NAB1: variants seen among roughly 807,000 people sequenced by gnomAD.
NAB1 encodes NGFI-A-binding protein 1.
Under a neutral mutation model 49.9 loss-of-function variants are expected in NAB1, and 25 were observed. That is an observed-to-expected ratio of 0.50 (90% CI 0.37 to 0.70). The LOEUF (loss-of-function observed/expected upper bound fraction) is 0.70, where lower values mean the gene tolerates loss of function less well. NAB1 is among the 30% of genes least tolerant of loss of function. The pLI, the probability that NAB1 is intolerant of heterozygous loss-of-function variation, is 0.00. For synonymous variants in NAB1, 198 were observed against 215.6 expected, an observed-to-expected ratio of 0.92 and a Z score of 0.71; for missense variants, 489 against 575.9, an observed-to-expected ratio of 0.85 and a Z score of 1.54.
chr2:190,662,956 A>G (rs1230715893), intron 4 of NAB1, among the ~76,000 whole-genome samples: 1 of 152,208 alleles, frequency 6.6e-6, no homozygotes, highest in Admixed American at 6.5e-5. Flanking sequence ...GTCAGTTTCC[A>G]TTATAGTGCT....
Position 190,663,062 on chromosome 2 carries a change from T to C in NAB1, c.819+3067T>C, listed in dbSNP as rs1694306562. Among the ~76,000 whole-genome samples the C allele has an allele frequency of 6.6e-6, 1 of 152,220 alleles. No homozygotes were observed. On this transcript the variant is annotated intron_variant, in intron 4 of 9. Coordinates refer to ENST00000337386, the MANE Select transcript of NAB1 (RefSeq NM_005966.4). The surrounding 1 kb of genome is among the most constrained non-coding windows in gnomAD (Gnocchi z 4.2). Reference sequence around the variant, plus strand: ...TGAGAACCGCATAAACGTGGTCACATTATTAAGTTAGCTTGTTTTATTCTG... The same window carrying C: ...TGAGAACCGCATAAACGTGGTCACACTATTAAGTTAGCTTGTTTTATTCTG...
At chr2:190,681,880 C>G (rs916280454) in intron 6 of NAB1, among the ~76,000 whole-genome samples, 1 of 152,114 alleles carries the variant, frequency 6.6e-6, no homozygotes, top group African/African-American at 2.4e-5. Flanking sequence ...CCATCTTTTT[C>G]TGCTGTGTAT....
intron 2 of NAB1, chr2:190,653,792 G>C (rs1693785944): frequency 6.6e-6 from 1 of 152,180 alleles, no homozygotes; most frequent in South Asian, 2.1e-4. Context: ...CAGGTGTTGG[G>C]GCCGGACTCG....
In NAB1 at chr2:190,667,228, G is replaced by A. The variant is rs1033550074; in HGVS notation, c.820-3098G>A. On this transcript the variant is annotated intron_variant, in intron 4 of 9. Coordinates refer to ENST00000337386, the MANE Select transcript of NAB1 (RefSeq NM_005966.4). This position sits in a 1 kb window ranked among gnomAD's most constrained non-coding sequence, Gnocchi z 4.4. ...CTTGGTTTCTGGAAAGGTAAGAGAA[G>A]GAATACTAGAATATTGTTTTCAGTT... 2.0e-5 allele frequency among the ~76,000 whole-genome samples: 3 copies of A among 152,156 alleles called. No homozygotes were observed. The highest frequency in any genetic ancestry group is 7.2e-5 in the African/African-American group (3 of 41,432).
intron 4 of NAB1, among the ~76,000 whole-genome samples, chr2:190,662,744 A>G (rs746253341): frequency 2.0e-5 from 3 of 152,248 alleles, no homozygotes; most frequent in Non-Finnish European, 4.4e-5. Flanking sequence ...AAGCAGGTAG[A>G]TAATTTGGCA....
Position 190,688,109 on chromosome 2 carries a change from A to C in NAB1, c.1375+792A>C, listed in dbSNP as rs370978026. ...CCAGCACAATTTGAAAGAATCTGTT[A>C]TCATTCAAGTCTTTGAGTTAAAGTA... is the stretch of plus-strand genomic sequence containing the variant. On this transcript the variant is annotated intron_variant, in intron 9 of 9. Transcript: ENST00000337386. Among the ~76,000 whole-genome samples the C allele has an allele frequency of 3.9e-5, 6 of 152,366 alleles. No homozygotes were observed. In the East Asian group the frequency reaches 5.8e-4, roughly 15 times the overall value.
In NAB1 at chr2:190,687,342, G is replaced by T. The variant is rs376281825; in HGVS notation, c.1375+25G>T. On this transcript the variant is annotated intron_variant, in intron 9 of 9. Coordinates refer to ENST00000337386, the MANE Select transcript of NAB1 (RefSeq NM_005966.4). Reference sequence around the variant, plus strand: ...GGTGAGAACGTGCTATATGATGAGAGGGTAACACTTGAATAAAAGCATCTT... The same window carrying T: ...GGTGAGAACGTGCTATATGATGAGATGGTAACACTTGAATAAAAGCATCTT... 1.0e-5 allele frequency: 12 copies of T among 1,181,086 alleles called. No homozygotes were observed. The African/African-American group carries it at 1.6e-4, about 16-fold the overall frequency. 73.2% of individuals were successfully genotyped at this position (1,181,086 alleles called of 1,614,324 possible). A position where few individuals can be genotyped will look rare whatever the true frequency, so the allele number is the denominator to read the frequency against.
chr2:190,670,792 G>A lies in NAB1; in HGVS notation c.953+333G>A, dbSNP rs781313400. 4.6e-5 allele frequency among the ~76,000 whole-genome samples: 7 copies of A among 152,136 alleles called. No individual in the cohort carries two copies. Among genetic ancestry groups the A allele is most frequent in the Non-Finnish European group, 7.4e-5 (5 of 68,024 alleles). ...CATTTATAGACGTATTTGTACACCC[G>A]CTAACTACGTGAACTTGTTGAACTC... On this transcript the variant is annotated intron_variant, in intron 5 of 9. Coordinates refer to ENST00000337386, the MANE Select transcript of NAB1 (RefSeq NM_005966.4). The surrounding 1 kb of genome is among the most constrained non-coding windows in gnomAD (Gnocchi z 5.3).
At chr2:190,656,558 C>T (rs561836757) in intron 3 of NAB1, among the ~76,000 whole-genome samples, 1 of 152,280 alleles carries the variant, frequency 6.6e-6, no homozygotes, top group Admixed American at 6.5e-5. Flanking sequence ...CAAATGTAGA[C>T]TTGGTCCTAT....
At chr2:190,683,709 A>T (rs918886816) in intron 6 of NAB1, 29 bp from the exon 7 acceptor site, 1 of 1,516,590 alleles carries the variant, frequency 6.6e-7, no homozygotes, top group Middle Eastern at 1.7e-4. Flanking sequence ...CAAACTCTAA[A>T]TATAAAGGAC....
chr2:190,681,186 A>G (rs539506547), intron 6 of NAB1, among the ~76,000 whole-genome samples: 2 of 152,320 alleles, frequency 1.3e-5, no homozygotes, highest in East Asian at 1.9e-4. Flanking sequence ...CTTTGAAGCT[A>G]GCGTTGTAGC....
rs1695935182 is a variant in NAB1, at chr2:190,691,573, A to G, written c.*1240A>G. On this transcript the variant is annotated 3_prime_UTR_variant, in exon 10 of 10. Transcript: ENST00000337386. The surrounding 1 kb of genome is among the most constrained non-coding windows in gnomAD (Gnocchi z 4.1). ...TATATGGGAGTGTGCTTACATGTTA[A>G]TAATTTACTTGCATACTTATGAGAA... The G allele has an allele frequency of 6.6e-6, 1 of 152,170 alleles. No individual in the cohort carries two copies. The highest frequency in any genetic ancestry group is 2.1e-4 in the South Asian group (1 of 4,828). 9.4% of individuals were successfully genotyped at this position (152,170 alleles called of 1,614,324 possible).
intron 5 of NAB1, among the ~76,000 whole-genome samples, chr2:190,671,996 G>A (rs1471115748): frequency 2.0e-5 from 3 of 152,020 alleles, no homozygotes; most frequent in Middle Eastern, 3.4e-3. Flanking sequence ...GGATGGTCTC[G>A]ATCTCTTGAC....
At chr2:190,661,357 A>G (rs1247453127) in intron 4 of NAB1, among the ~76,000 whole-genome samples, 1 of 152,226 alleles carries the variant, frequency 6.6e-6, no homozygotes, top group African/African-American at 2.4e-5. Flanking sequence ...CCTTTGAACC[A>G]GTAGAGGAAT....
chr2:190,672,941 C>A (rs933302446), intron 5 of NAB1, among the ~76,000 whole-genome samples, 160 bp from the exon 6 acceptor site: 2 of 151,926 alleles, frequency 1.3e-5, no homozygotes, highest in Admixed American at 6.6e-5. Flanking sequence ...GATGAAAGAT[C>A]TTTTCTTCAT....
chr2:190,665,679 A>G (rs1013233250), intron 4 of NAB1, among the ~76,000 whole-genome samples: 5 of 152,236 alleles, frequency 3.3e-5, no homozygotes, highest in African/African-American at 1.2e-4. Flanking sequence ...ATCTGGGGAC[A>G]TTACAAATCT....
rs900421453 is a variant in NAB1, at chr2:190,680,715, T to G, written c.1006-3023T>G. Reference sequence around the variant, plus strand: ...AATATTCTCTGGTTGATTTTAGTATTAAATGTTGAGTTCTTCCTTCTCTAA... The same window carrying G: ...AATATTCTCTGGTTGATTTTAGTATGAAATGTTGAGTTCTTCCTTCTCTAA... On this transcript the variant is annotated intron_variant, in intron 6 of 9. Transcript: ENST00000337386. The surrounding 1 kb of genome is among the most constrained non-coding windows in gnomAD (Gnocchi z 5.2). Among the ~76,000 whole-genome samples the G allele has an allele frequency of 2.6e-5, 4 of 152,218 alleles. No homozygotes were observed. The highest frequency in any genetic ancestry group is 9.7e-5 in the African/African-American group (4 of 41,444).
chr2:190,664,614 TGTA>T (rs1694412701), intron 4 of NAB1, among the ~76,000 whole-genome samples: 1 of 111,868 alleles, frequency 8.9e-6, no homozygotes, highest in African/African-American at 3.8e-5. Context: ...TTTTTTTTTT[TGTA>T]GGGACAGGGT....
In NAB1 at chr2:190,663,724, A is replaced by G. The variant is rs1365642572; in HGVS notation, c.819+3729A>G. On this transcript the variant is annotated intron_variant, in intron 4 of 9. Transcript: ENST00000337386. This position sits in a 1 kb window ranked among gnomAD's most constrained non-coding sequence, Gnocchi z 4.2. ...ACTTAATTTGGGTGCTTAGTTCATT[A>G]ATTTTTAGTCATTCTTTTTCTAATA... 6.6e-6 allele frequency among the ~76,000 whole-genome samples: 1 copy of G among 152,164 alleles called. No homozygotes were observed. Among genetic ancestry groups the G allele is most frequent in the East Asian group, 1.9e-4 (1 of 5,200 alleles).
Sources: gnomAD v4.1 joint callset for allele counts (sites outside exome capture counted in the v4.1 genomes callset) on GRCh38, gnomAD v4.1.1 for gene constraint, Gnocchi (gnomAD v3.1) non-coding constraint, MANE v1.5 for transcripts, NCBI Gene and HGNC (gene_info 2026-07-23, HGNC 2026-07-21) for gene names.